APBB2: variants seen among roughly 807,000 people sequenced by gnomAD.
The protein encoded by APBB2 is amyloid beta precursor protein binding family B member 2.
In APBB2, 38 loss-of-function variants were observed where a neutral mutation model predicts 82.5. That is an observed-to-expected ratio of 0.46 (90% confidence interval 0.36 to 0.60). The LOEUF (loss-of-function observed/expected upper bound fraction) is 0.60, where lower values mean the gene tolerates loss of function less well. Ranked by LOEUF, APBB2 falls within the 20% of genes least tolerant of loss-of-function variation. The pLI is 0.00. For synonymous variants in APBB2, 341 were observed against 368.2 expected, an observed-to-expected ratio of 0.93 and a Z score of 0.85; for missense variants, 772 against 972.3, an observed-to-expected ratio of 0.79 and a Z score of 2.74.
intron 1 of APBB2, among the ~76,000 whole-genome samples, chr4:41,207,051 T>C (rs1323800675): frequency 6.6e-6 from 1 of 151,750 alleles, no homozygotes; most frequent in Non-Finnish European, 1.5e-5. Flanking sequence ...ATACAAAAAT[T>C]AGCCGGATAC....
chr4:41,011,301 C>T (rs1320042922), intron 6 of APBB2, among the ~76,000 whole-genome samples: 1 of 151,980 alleles, frequency 6.6e-6, no homozygotes, highest in Admixed American at 6.6e-5. Context: ...CTGCCTCAGC[C>T]TCCCGAGTAG....
chr4:40,906,736 AG>A (rs940612651), intron 10 of APBB2, among the ~76,000 whole-genome samples: 24 of 152,104 alleles, frequency 1.6e-4, no homozygotes, highest in Non-Finnish European at 3.1e-4. Context: ...TGACCATGAA[AG>A]GACTTGAACC....
At position 40,827,626 on chromosome 4, in the gene APBB2, T is replaced by C. The variant is rs144117377; in HGVS notation, c.1645-407A>G. Among the ~76,000 whole-genome samples, 6 of 152,144 alleles carry C rather than the reference T, an allele frequency of 3.9e-5. No homozygotes were observed. In the East Asian group the frequency reaches 1.2e-3, roughly 29 times the overall value. ...ACCCTTTGAAGACAGACAACATGGG[T>C]TCAAACTGCACCTCTGCCACTTACT... On this transcript the variant is annotated intron_variant, in intron 13 of 17. Coordinates refer to ENST00000508593, the MANE Select transcript of APBB2 (RefSeq NM_004307.2).
At chr4:41,006,510 C>T (rs1282046463) in intron 6 of APBB2, among the ~76,000 whole-genome samples, 1 of 152,040 alleles carries the variant, frequency 6.6e-6, no homozygotes, top group Non-Finnish European at 1.5e-5. Context: ...GTTGTCCAGG[C>T]TGGAGTGTAA....
chr4:40,995,284 A>C (rs192761500), intron 6 of APBB2, among the ~76,000 whole-genome samples: 17 of 152,350 alleles, frequency 1.1e-4, no homozygotes, highest in Non-Finnish European at 2.2e-4. Context: ...GGTAATTCTC[A>C]TAACAAATTA....
intron 3 of APBB2, among the ~76,000 whole-genome samples, chr4:41,091,924 A>G (rs1356567260): frequency 6.6e-6 from 1 of 152,176 alleles, no homozygotes; most frequent in Non-Finnish European, 1.5e-5. Flanking sequence ...ATTTTTTCTT[A>G]TCTATAAAAT....
intron 4 of APBB2, among the ~76,000 whole-genome samples, chr4:41,033,898 CTTCACTCAAAACT>C (rs376119216): frequency 6.6e-6 from 1 of 152,280 alleles, no homozygotes; most frequent in African/African-American, 2.4e-5. Context: ...AAATCACTAG[CTTCACTCAAAACT>C]TAAGAAAATA....
rs1761280485 is a variant in APBB2, at chr4:41,148,066, G to T, written c.-416-4924C>A. On this transcript the variant is annotated intron_variant, in intron 1 of 17. Transcript: ENST00000508593. Reference sequence around the variant, plus strand: ...AATATAAATTGTTTGAAAGAATGAGGGTTCGTTAAAAAAAAATTTTCTTTC... The same window carrying T: ...AATATAAATTGTTTGAAAGAATGAGTGTTCGTTAAAAAAAAATTTTCTTTC... Among the ~76,000 whole-genome samples, 2 of 151,416 alleles carry T rather than the reference G, an allele frequency of 1.3e-5. 1 individual carries two copies. Among genetic ancestry groups the T allele is most frequent in the South Asian group, 4.2e-4 (2 of 4,800 alleles).
intron 12 of APBB2, chr4:40,856,877 C>T (rs1761372374): frequency 1.1e-6 from 1 of 919,102 alleles, no homozygotes; most frequent in South Asian, 5.0e-5. Context: ...TCGCTAAGCG[C>T]TGACTCGGGG....
Position 40,935,065 on chromosome 4 carries a change from C to T in APBB2, c.1107+12G>A. 1 of 1,523,160 alleles carries T rather than the reference C, an allele frequency of 6.6e-7. No individual in the cohort carries two copies. Among genetic ancestry groups the T allele is most frequent in the Non-Finnish European group, 8.8e-7 (1 of 1,135,550 alleles). 94.4% of individuals were successfully genotyped at this position (1,523,160 alleles called of 1,614,324 possible). ...AAATATTAAATGATCTAAGATCTGA[C>T]AATATACTTGCCTTCCAAATGTCAC... On this transcript the variant is annotated intron_variant, in intron 8 of 17. Transcript: ENST00000508593.
intron 12 of APBB2, among the ~76,000 whole-genome samples, chr4:40,888,605 C>T (rs1488407610): frequency 6.6e-6 from 1 of 151,440 alleles, no homozygotes; most frequent in Non-Finnish European, 1.5e-5. Context: ...GCTCCTGCCT[C>T]GCACACGTAT....
chr4:40,881,825 C>A lies in APBB2; in HGVS notation c.1529+8539G>T, dbSNP rs1169131538. 2.0e-5 allele frequency among the ~76,000 whole-genome samples: 3 copies of A among 152,092 alleles called. No homozygotes were observed. The East Asian group carries it at 5.8e-4, about 29-fold the overall frequency. On this transcript the variant is annotated intron_variant, in intron 12 of 17. Transcript: ENST00000508593. ...CTGGGATTACAGGTATGAGCCACTGCGCCCGGCCGAGACCCATTATTTCTA... is the reference window on the plus strand; with the variant it reads ...CTGGGATTACAGGTATGAGCCACTGAGCCCGGCCGAGACCCATTATTTCTA...
chr4:41,148,654 C>T (rs1338600277), intron 1 of APBB2, among the ~76,000 whole-genome samples: 9 of 152,186 alleles, frequency 5.9e-5, no homozygotes, highest in Admixed American at 5.9e-4. Context: ...GGCACCTAAT[C>T]GGAATTCCAG....
At chr4:40,883,645 G>A (rs985103886) in intron 12 of APBB2, among the ~76,000 whole-genome samples, 3 of 150,780 alleles carry the variant, frequency 2.0e-5, no homozygotes, top group Admixed American at 1.3e-4. Flanking sequence ...AGGCTAAGCC[G>A]TGCTTTCAGG....
chr4:41,149,778 T>C (rs1468302119), intron 1 of APBB2, among the ~76,000 whole-genome samples: 1 of 152,112 alleles, frequency 6.6e-6, no homozygotes, highest in Non-Finnish European at 1.5e-5. Flanking sequence ...CACTGAATCA[T>C]GGGGGCAAGT....
At chr4:41,183,815 C>A (rs1390431518) in intron 1 of APBB2, among the ~76,000 whole-genome samples, 1 of 144,562 alleles carries the variant, frequency 6.9e-6, no homozygotes, top group African/African-American at 2.6e-5. Flanking sequence ...GACAATTTTT[C>A]TATGGACTGG....
chr4:41,009,151 T>C (rs1254256189), intron 6 of APBB2, among the ~76,000 whole-genome samples: 1 of 152,030 alleles, frequency 6.6e-6, no homozygotes, highest in Non-Finnish European at 1.5e-5. Flanking sequence ...AGAGACTATA[T>C]ACAGTGTGAC....
At chr4:41,083,254 G>T (rs1242669559) in intron 3 of APBB2, among the ~76,000 whole-genome samples, 1 of 152,092 alleles carries the variant, frequency 6.6e-6, no homozygotes, top group East Asian at 1.9e-4. Flanking sequence ...GACCAAAGTA[G>T]TATGTATGCT....
intron 6 of APBB2, among the ~76,000 whole-genome samples, chr4:40,957,120 G>A (rs936397121): frequency 5.3e-5 from 8 of 152,184 alleles, no homozygotes; most frequent in Non-Finnish European, 1.0e-4. Context: ...GGGTGGATGT[G>A]GAACAAAGGC....
Sources: allele counts gnomAD v4.1 joint callset (sites outside exome capture counted in the v4.1 genomes callset), GRCh38; gene constraint gnomAD v4.1.1; transcripts MANE v1.5; gene names NCBI Gene and HGNC (gene_info 2026-07-23, HGNC 2026-07-21).